KIAA0319: variants seen among roughly 807,000 people sequenced by gnomAD.
The protein encoded by KIAA0319 is dyslexia-associated protein KIAA0319.
In KIAA0319, 83 loss-of-function variants were observed where a neutral mutation model predicts 108.4. The ratio of observed to expected loss-of-function variants is 0.77; its 90% CI spans 0.64 to 0.92. The LOEUF (loss-of-function observed/expected upper bound fraction) is 0.92. KIAA0319 is among the 40% of genes least tolerant of loss of function. The pLI is 0.00. For missense variants in KIAA0319, 1,195 were observed against 1,322.4 expected (o/e 0.90, Z 1.49); for synonymous variants, 484 against 510.4 (o/e 0.95, Z 0.70).
At chr6:24,543,049 T>C (rs570069677), downstream of KIAA0319, among the ~76,000 whole-genome samples, 1 of 152,334 alleles carries the variant, frequency 6.6e-6, no homozygotes, top group Admixed American at 6.5e-5. Flanking sequence ...CCATCTTTGT[T>C]TTACACAGAA....
intron 1 of KIAA0319, among the ~76,000 whole-genome samples, chr6:24,615,507 G>A (rs1034220817): frequency 1.3e-5 from 2 of 152,088 alleles, no homozygotes; most frequent in Non-Finnish European, 2.9e-5. Flanking sequence ...GAAGAAAAGG[G>A]AAATTAGTCA....
chr6:24,579,999 T>C (rs779914819), intron 7 of KIAA0319, 49 bp from the exon 8 acceptor site: 1 of 1,339,844 alleles, frequency 7.5e-7, no homozygotes, highest in South Asian at 1.3e-5. Flanking sequence ...TGTAGGCATA[T>C]GTCATTACCC....
At chr6:24,619,071 A>G (rs1377211582) in intron 1 of KIAA0319, among the ~76,000 whole-genome samples, 1 of 152,178 alleles carries the variant, frequency 6.6e-6, no homozygotes, top group African/African-American at 2.4e-5. Flanking sequence ...GTGCCTGTGT[A>G]TTGCAGGAAC....
chr6:24,572,639 C>G lies in KIAA0319; in HGVS notation c.1794G>C (p.Gln598His). Residue 598 changes from glutamine to histidine, a missense_variant, in exon 11 of 21, where the codon CAG (glutamine) becomes CAC (histidine). Gln to His is a conservative substitution (Grantham distance 24). Coordinates refer to ENST00000378214, the MANE Select transcript of KIAA0319 (RefSeq NM_014809.4). ...SAMQEGDYTF[Q>H]LKVTDSSRQQ... ...GCCTTGAAGAATCTGTCACCTTCAG[C>G]TGAAATGTATAATCTCCTTCCTGCA... 1 of 1,613,992 alleles carries G rather than the reference C, an allele frequency of 6.2e-7. No homozygotes were observed. The highest frequency in any genetic ancestry group is 1.1e-5 in the South Asian group (1 of 91,062).
Position 24,547,407 on chromosome 6 carries a change from T to C in KIAA0319, c.3041-64A>G. 1.4e-5 allele frequency: 21 copies of C among 1,458,472 alleles called. 1 individual carries two copies. Among genetic ancestry groups the C allele is most frequent in the South Asian group, 3.5e-5 (3 of 84,568 alleles). 90.3% of individuals were successfully genotyped at this position (1,458,472 alleles called of 1,614,324 possible). A position where few individuals can be genotyped will look rare whatever the true frequency, so the allele number is the denominator to read the frequency against. ...TGATTCACTTCCAGCTGTCAGTCGT[T>C]GTGGTTGCAGGTCCTGTGATGGGCA... On this transcript the variant is annotated intron_variant, in intron 20 of 20. Transcript: ENST00000378214.
rs528656453 is a variant in KIAA0319 at position 24,607,855 on chromosome 6, C to T, written c.-105-6647G>A. Among the ~76,000 whole-genome samples the T allele has an allele frequency of 1.2e-4, 19 of 152,112 alleles. No individual in the cohort carries two copies. In the East Asian group the frequency reaches 2.3e-3, roughly 19 times the overall value. The stretch of plus-strand genomic sequence containing the variant: ...TTAGTTAAAAACATTTTTTAAAATG[C>T]CATGATTTCAAAATTGCTGCTCTCC... On this transcript the variant is annotated intron_variant, in intron 1 of 20. Transcript: ENST00000378214.
intron 3 of KIAA0319, among the ~76,000 whole-genome samples, chr6:24,593,493 C>T (rs149026937): frequency 0.011 from 1,704 of 150,074 alleles, 30 homozygotes; most frequent in African/African-American, 0.04. Flanking sequence ...CCCGGGTTCA[C>T]GCCATTCTCC....
chr6:24,643,545 A>C (rs932943377), intron 1 of KIAA0319, among the ~76,000 whole-genome samples: 12 of 152,176 alleles, frequency 7.9e-5, no homozygotes, highest in Non-Finnish European at 1.2e-4. Context: ...TGATTTTATG[A>C]TTTTGATTAT....
At chr6:24,583,733 T>C in intron 4 of KIAA0319, 31 bp from the exon 5 acceptor site, 2 of 1,325,416 alleles carry the variant, frequency 1.5e-6, no homozygotes, top group Non-Finnish European at 2.2e-6. Flanking sequence ...ATACGTGCAA[T>C]TATATAATAT....
intron 14 of KIAA0319, 21 bp downstream of exon 14, chr6:24,566,576 C>T (rs749885175): frequency 1.9e-6 from 3 of 1,587,966 alleles, no homozygotes; most frequent in East Asian, 4.5e-5. Context: ...GGTCTAGGAG[C>T]AATTCTCTCT....
intron 1 of KIAA0319, among the ~76,000 whole-genome samples, chr6:24,633,731 T>C (rs1775861054): frequency 5.9e-5 from 9 of 152,184 alleles, no homozygotes; most frequent in Admixed American, 5.9e-4. Context: ...AAGGTAATGA[T>C]AAATTTAATA....
Position 24,578,864 on chromosome 6 carries a change from G to T in KIAA0319, c.1373-622C>A, listed in dbSNP as rs1334461556. On this transcript the variant is annotated intron_variant, in intron 8 of 20. Coordinates refer to ENST00000378214, the MANE Select transcript of KIAA0319 (RefSeq NM_014809.4). Reference sequence around the variant, plus strand: ...GATTAATAATCCTGAACAGTTTCCTGTAAATAAGCCATACTGAATTAGAGG... The same window carrying T: ...GATTAATAATCCTGAACAGTTTCCTTTAAATAAGCCATACTGAATTAGAGG... Among the ~76,000 whole-genome samples, 8 of 152,158 alleles carry T rather than the reference G, an allele frequency of 5.3e-5. No homozygotes were observed. The East Asian group carries it at 1.5e-3, about 29-fold the overall frequency.
chr6:24,637,452 T>G (rs991121713), intron 1 of KIAA0319, among the ~76,000 whole-genome samples: 8 of 152,166 alleles, frequency 5.3e-5, no homozygotes, highest in Admixed American at 5.2e-4. Context: ...CTTTTTGTTT[T>G]AGTCTTAAGT....
chr6:24,598,314 G>A, intron 2 of KIAA0319: 1 of 674,968 alleles, frequency 1.5e-6, no homozygotes, highest in Non-Finnish European at 2.7e-6. Flanking sequence ...AGAAGGAGCA[G>A]ATCAAGACCA....
In KIAA0319 at chr6:24,613,427, A is replaced by G. The variant is rs2127557299; in HGVS notation, c.-105-12219T>C. On this transcript the variant is annotated intron_variant, in intron 1 of 20. Coordinates refer to ENST00000378214, the MANE Select transcript of KIAA0319 (RefSeq NM_014809.4). ...TTTGTCTGGCAACTCTAACTATGAG[A>G]AAATGCCCATGTGCCCTGGGCAGCC... Among the ~76,000 whole-genome samples, 3 of 152,270 alleles carry G rather than the reference A, an allele frequency of 2.0e-5. No individual in the cohort carries two copies. In the South Asian group the frequency reaches 6.2e-4, roughly 32 times the overall value.
chr6:24,584,390 T>C (rs1767112159), intron 4 of KIAA0319, among the ~76,000 whole-genome samples: 2 of 146,756 alleles, frequency 1.4e-5, no homozygotes, highest in Admixed American at 7.0e-5. Context: ...GTAAAATATA[T>C]TGCGATATGT....
At chr6:24,583,984 G>T (rs1329971101) in intron 4 of KIAA0319, among the ~76,000 whole-genome samples, 1 of 152,172 alleles carries the variant, frequency 6.6e-6, no homozygotes, top group Non-Finnish European at 1.5e-5. Context: ...AGAGTTGCGT[G>T]AAACAGGTTT....
At chr6:24,589,376 G>A (rs1211330606) in intron 3 of KIAA0319, among the ~76,000 whole-genome samples, 1 of 152,172 alleles carries the variant, frequency 6.6e-6, no homozygotes, top group Admixed American at 6.5e-5. Context: ...AGTTCTGTGA[G>A]ATATAAATGT....
intron 1 of KIAA0319, among the ~76,000 whole-genome samples, chr6:24,641,970 C>T (rs1341765930): frequency 2.3e-5 from 3 of 131,236 alleles, no homozygotes; most frequent in Non-Finnish European, 3.1e-5. Flanking sequence ...GAGCCAAGAT[C>T]GTGGCACTGT....
Sources: allele counts gnomAD v4.1 joint callset (sites outside exome capture counted in the v4.1 genomes callset), GRCh38; gene constraint gnomAD v4.1.1; transcripts MANE v1.5; gene names NCBI Gene and HGNC (gene_info 2026-07-23, HGNC 2026-07-21).